PCDH15: variants seen among roughly 807,000 people sequenced by gnomAD.
The protein encoded by PCDH15 is protocadherin related 15.
PCDH15 carries 129 observed loss-of-function variants against 178.5 expected under a neutral mutation model. The observed-to-expected ratio is 0.72, with a 90% CI of 0.63 to 0.84. The LOEUF is 0.84. PCDH15 is among the 40% of genes least tolerant of loss of function. The probability of loss-of-function intolerance (pLI) is 0.00; values close to 1 mark genes in which losing one functional copy is unlikely to be tolerated. For missense variants in PCDH15, 2,230 were observed against 2,099.9 expected (o/e 1.06, Z -1.21); for synonymous variants, 800 against 732.0 (o/e 1.09, Z -1.50).
chr10:54,952,161 G>A (rs935621341), intron 2 of PCDH15, among the ~76,000 whole-genome samples: 14 of 151,794 alleles, frequency 9.2e-5, no homozygotes, highest in Admixed American at 8.6e-4. Flanking sequence ...TTACATTGGG[G>A]CCTATAATCC....
At chr10:54,631,105 G>A (rs2093688924) in intron 2 of PCDH15, among the ~76,000 whole-genome samples, 1 of 152,126 alleles carries the variant, frequency 6.6e-6, no homozygotes, top group South Asian at 2.1e-4. Context: ...GGTGTGTTTG[G>A]GTTATGGAGG....
chr10:55,223,517 C>T (rs931825594), intron 1 of PCDH15, among the ~76,000 whole-genome samples: 1 of 152,072 alleles, frequency 6.6e-6, no homozygotes, highest in African/African-American at 2.4e-5. Flanking sequence ...AGTCTCTTTT[C>T]CTGCCTCCTG....
intron 3 of PCDH15, among the ~76,000 whole-genome samples, chr10:54,470,422 C>G (rs2077829831): frequency 6.6e-6 from 1 of 152,032 alleles, no homozygotes; most frequent in African/African-American, 2.4e-5. Flanking sequence ...CAGTGGCGTT[C>G]TAGGAATCTG....
chr10:54,960,088 C>G (rs924910164), intron 2 of PCDH15, among the ~76,000 whole-genome samples: 11 of 152,046 alleles, frequency 7.2e-5, no homozygotes, highest in African/African-American at 2.4e-4. Context: ...TTCTACTTCA[C>G]CTGGAAAATG....
intron 2 of PCDH15, among the ~76,000 whole-genome samples, chr10:54,633,780 T>G (rs2093768078): frequency 6.6e-6 from 1 of 152,104 alleles, no homozygotes; most frequent in African/African-American, 2.4e-5. Flanking sequence ...CCCAACCCAA[T>G]GCTAATGAAT....
At chr10:55,436,643 T>C (rs1839046194) in intron 2 of PCDH15, among the ~76,000 whole-genome samples, 1 of 152,078 alleles carries the variant, frequency 6.6e-6, no homozygotes. Flanking sequence ...GACTCCATCC[T>C]ATTGAGTTAT....
At chr10:54,039,845 C>A (rs914534161) in intron 18 of PCDH15, among the ~76,000 whole-genome samples, 2 of 151,864 alleles carry the variant, frequency 1.3e-5, no homozygotes, top group Admixed American at 1.3e-4. Flanking sequence ...CATCTATTGC[C>A]ATCAGTTTTC....
At chr10:55,321,622 T>G (rs573674745), upstream of PCDH15, among the ~76,000 whole-genome samples, 5 of 152,270 alleles carry the variant, frequency 3.3e-5, no homozygotes, top group African/African-American at 1.2e-4. Context: ...ACTGGTCACC[T>G]ACAAAGGGAA....
At chr10:55,070,122 G>T (rs1472911506) in intron 2 of PCDH15, among the ~76,000 whole-genome samples, 1 of 150,474 alleles carries the variant, frequency 6.6e-6, no homozygotes, top group Admixed American at 6.6e-5. Flanking sequence ...TTTTGATGGG[G>T]TTGTTTGTTT....
intron 3 of PCDH15, among the ~76,000 whole-genome samples, chr10:54,859,634 G>A (rs1237648380): frequency 6.6e-6 from 1 of 151,850 alleles, no homozygotes; most frequent in Non-Finnish European, 1.5e-5. Flanking sequence ...AACATTTATT[G>A]ATCAACAGCA....
chr10:54,569,580 A>C lies in PCDH15; in HGVS notation c.92-41703T>G, dbSNP rs373921426. Among the ~76,000 whole-genome samples the C allele has an allele frequency of 5.9e-5, 9 of 152,242 alleles. No homozygotes were observed. The East Asian group carries it at 1.7e-3, about 29-fold the overall frequency. ...GTGTTGGGATAAGATAATTGTGCCA[A>C]AGTAAATTCTTAATGGAGTTCATAA... On this transcript the variant is annotated intron_variant, in intron 2 of 37. Coordinates refer to ENST00000644397, the MANE Select transcript of PCDH15 (RefSeq NM_001384140.1).
At chr10:55,560,463 G>A (rs1023389650) in intron 2 of PCDH15, among the ~76,000 whole-genome samples, 1 of 151,706 alleles carries the variant, frequency 6.6e-6, no homozygotes, top group African/African-American at 2.4e-5. Context: ...ATTATCTGTG[G>A]AGCTTTAAAA....
intron 13 of PCDH15, among the ~76,000 whole-genome samples, chr10:54,157,240 T>C (rs1375378377): frequency 2.6e-5 from 4 of 152,368 alleles, no homozygotes; most frequent in Non-Finnish European, 4.4e-5. Flanking sequence ...GCAGAGGTTC[T>C]CCAGGAGGGC....
At chr10:55,209,823 C>T (rs1203867961) in intron 1 of PCDH15, among the ~76,000 whole-genome samples, 3 of 151,916 alleles carry the variant, frequency 2.0e-5, no homozygotes, top group Non-Finnish European at 2.9e-5. Context: ...AAGCACTATG[C>T]TCAAAAAAGC....
intron 18 of PCDH15, among the ~76,000 whole-genome samples, chr10:54,057,800 GCT>G (rs1409643593): frequency 6.6e-6 from 1 of 152,090 alleles, no homozygotes; most frequent in Non-Finnish European, 1.5e-5. Flanking sequence ...CAACTTTTAT[GCT>G]CTGTTTCCTC....
chr10:54,718,331 A>T (rs1045360265), intron 1 of PCDH15, among the ~76,000 whole-genome samples: 1 of 152,130 alleles, frequency 6.6e-6, no homozygotes, highest in Non-Finnish European at 1.5e-5. Flanking sequence ...GGGGAATGAG[A>T]TAGGCTTCCT....
intron 1 of PCDH15, among the ~76,000 whole-genome samples, chr10:55,312,290 A>G (rs981988971): frequency 2.0e-5 from 3 of 152,156 alleles, no homozygotes; most frequent in Non-Finnish European, 4.4e-5. Flanking sequence ...TGCTATATGA[A>G]TGCAATGGTA....
chr10:55,230,298 T>C (rs1841174929), intron 1 of PCDH15, among the ~76,000 whole-genome samples: 1 of 152,080 alleles, frequency 6.6e-6, no homozygotes, highest in South Asian at 2.1e-4. Flanking sequence ...AAATAACATT[T>C]AGCATCTATA....
chr10:53,985,431 T>C (rs375373417), intron 21 of PCDH15, among the ~76,000 whole-genome samples: 4 of 152,260 alleles, frequency 2.6e-5, no homozygotes, highest in African/African-American at 9.6e-5. Flanking sequence ...TGGCATTGTC[T>C]TGAATGCTTT....
Sources: gnomAD v4.1 joint callset for allele counts (sites outside exome capture counted in the v4.1 genomes callset) on GRCh38, gnomAD v4.1.1 for gene constraint, MANE v1.5 for transcripts, NCBI Gene and HGNC (gene_info 2026-07-23, HGNC 2026-07-21) for gene names.